Variants in NCAPD3 observed in about 807,000 individuals in gnomAD.
The protein encoded by NCAPD3 is condensin-2 complex subunit D3.
A neutral mutation model predicts 182.9 loss-of-function variants in NCAPD3; 105 were observed. The ratio of observed to expected loss-of-function variants is 0.57; its 90% CI spans 0.49 to 0.68. NCAPD3 has a LOEUF of 0.68. Among genes scored for constraint, NCAPD3 ranks in the 30% least tolerant of loss-of-function variants. The pLI is 0.00. For synonymous variants in NCAPD3, 815 were observed against 679.9 expected, an observed-to-expected ratio of 1.20 and a Z score of -3.09; for missense variants, 1,944 against 1,837.0, an observed-to-expected ratio of 1.06 and a Z score of -1.07.
chr11:134,164,602 G>A (rs1236757870), intron 27 of NCAPD3, among the ~76,000 whole-genome samples: 2 of 152,058 alleles, frequency 1.3e-5, no homozygotes, highest in African/African-American at 4.8e-5. Context: ...TGAGCTTAGG[G>A]GAGCTGCACA....
chr11:134,187,725 T>A (rs1944439929), intron 16 of NCAPD3, among the ~76,000 whole-genome samples: 1 of 152,202 alleles, frequency 6.6e-6, no homozygotes, highest in African/African-American at 2.4e-5. Context: ...GTGCCCTTCC[T>A]CTGTTCTCCT....
chr11:134,162,520 C>A (rs1943614383), intron 27 of NCAPD3, among the ~76,000 whole-genome samples: 1 of 152,218 alleles, frequency 6.6e-6, no homozygotes, highest in South Asian at 2.1e-4. Context: ...TAGTAGCCCA[C>A]ATATGCAAGA....
At position 134,152,576 on chromosome 11, in the gene NCAPD3, G is replaced by C. The variant is rs1591814838; in HGVS notation, c.*368C>G. Reference sequence around the variant, plus strand: ...CAGATGGGAAAATATGTACTATAAGGAATTCAAGTTAACAGAGGCTTGATT... The same window carrying C: ...CAGATGGGAAAATATGTACTATAAGCAATTCAAGTTAACAGAGGCTTGATT... On this transcript the variant is annotated 3_prime_UTR_variant, in exon 35 of 35. Transcript: ENST00000534548. 5.8e-6 allele frequency: 1 copy of C among 171,488 alleles called. No individual in the cohort carries two copies. Among genetic ancestry groups the C allele is most frequent in the Admixed American group, 6.3e-5 (1 of 15,910 alleles). The allele number at this position is 171,488 out of a possible 1,614,324, so 10.6% of individuals were successfully genotyped here.
intron 27 of NCAPD3, among the ~76,000 whole-genome samples, chr11:134,164,267 C>A (rs1271888056): frequency 6.6e-6 from 1 of 152,156 alleles, no homozygotes; most frequent in Non-Finnish European, 1.5e-5. Context: ...TCTGCAAGAG[C>A]ACCATAAACT....
chr11:134,201,973 G>A (rs1047451895), intron 13 of NCAPD3, among the ~76,000 whole-genome samples: 4 of 152,010 alleles, frequency 2.6e-5, no homozygotes, highest in African/African-American at 4.8e-5. Context: ...TGTGCATCTC[G>A]GCACCTATCT....
rs537155101 is a variant in NCAPD3, at chr11:134,202,032, T to G, written c.1615+784A>C. Reference sequence around the variant, plus strand: ...ACAATTGTATATATGAGAACACTTGTGTGCACAAGCACCTGTCTCTCCACT... The same window carrying G: ...ACAATTGTATATATGAGAACACTTGGGTGCACAAGCACCTGTCTCTCCACT... On this transcript the variant is annotated intron_variant, in intron 13 of 34. Transcript: ENST00000534548. Among the ~76,000 whole-genome samples the G allele has an allele frequency of 9.2e-5, 14 of 152,360 alleles. No homozygotes were observed. In the South Asian group the frequency reaches 2.9e-3, roughly 32 times the overall value.
intron 16 of NCAPD3, among the ~76,000 whole-genome samples, chr11:134,190,525 C>T (rs192200509): frequency 7.4e-4 from 112 of 152,280 alleles, no homozygotes; most frequent in African/African-American, 2.4e-3. Flanking sequence ...CTTGCTCTGT[C>T]GCCCAGGCTG....
intron 18 of NCAPD3, 54 bp downstream of exon 18, chr11:134,184,848 CA>C (rs1944369566): frequency 3.0e-6 from 4 of 1,341,910 alleles, no homozygotes; most frequent in Non-Finnish European, 4.2e-6. Context: ...CACACACACA[CA>C]CCTGAAATGA....
At chr11:134,208,772 C>A in intron 7 of NCAPD3, 92 bp downstream of exon 7, 1 of 789,936 alleles carries the variant, frequency 1.3e-6, no homozygotes, top group Non-Finnish European at 2.1e-6. Flanking sequence ...ATTGAAATGG[C>A]ATTATATCAA....
intron 25 of NCAPD3, 143 bp from the exon 26 acceptor site, chr11:134,168,745 C>T: frequency 7.2e-7 from 1 of 1,380,684 alleles, no homozygotes; most frequent in East Asian, 2.3e-5. Context: ...ACAGGCGCTG[C>T]CCTTAGGAAG....
At chr11:134,169,490 A>G (rs1449517737) in intron 24 of NCAPD3, among the ~76,000 whole-genome samples, 1 of 152,250 alleles carries the variant, frequency 6.6e-6, no homozygotes, top group Non-Finnish European at 1.5e-5. Context: ...ATTATGAACA[A>G]AAACCAATTT....
At chr11:134,193,432 A>T (rs1565544987) in intron 15 of NCAPD3, among the ~76,000 whole-genome samples, 1 of 152,212 alleles carries the variant, frequency 6.6e-6, no homozygotes, top group Non-Finnish European at 1.5e-5. Context: ...ATCAATTTTA[A>T]ATTTTATTTT....
intron 1 of NCAPD3, among the ~76,000 whole-genome samples, chr11:134,221,406 G>A (rs1216148239): frequency 6.9e-6 from 1 of 145,808 alleles, no homozygotes; most frequent in East Asian, 2.0e-4. Context: ...TAAAGTTTTT[G>A]GGTACATGTG....
At chr11:134,218,823 C>T (rs188091408) in intron 2 of NCAPD3, among the ~76,000 whole-genome samples, 5 of 152,292 alleles carry the variant, frequency 3.3e-5, no homozygotes, top group Non-Finnish European at 7.4e-5. Context: ...ACCTGGATCA[C>T]CAATACAGTC....
chr11:134,153,040 A>G lies in NCAPD3; in HGVS notation c.4401T>C (p.Pro1467=). ...LSLPDKPPPQ[P]QQWNVRSPAR... is the part of the protein sequence containing the mutation. The stretch of plus-strand genomic sequence containing the variant: ...CGGGAGACCGCACATTCCACTGCTG[A>G]GGCTGTGGGGGCCTAGGGAAAGGAC... The change falls in exon 35 of 35, where the codon CCT becomes CCC. Residue 1467 remains proline, a synonymous_variant. Coordinates refer to ENST00000534548, the MANE Select transcript of NCAPD3 (RefSeq NM_015261.3). The G allele has an allele frequency of 1.2e-6, 2 of 1,602,266 alleles. No individual in the cohort carries two copies. The highest frequency in any genetic ancestry group is 1.3e-5 in the African/African-American group (1 of 74,740).
At chr11:134,196,108 G>A (rs905148741) in intron 13 of NCAPD3, among the ~76,000 whole-genome samples, 7 of 152,080 alleles carry the variant, frequency 4.6e-5, no homozygotes, top group African/African-American at 1.4e-4. Context: ...CTAGACTGGC[G>A]AAGAAAATAA....
At chr11:134,173,630 A>G (rs1944075911) in intron 24 of NCAPD3, 1 of 152,302 alleles carries the variant, frequency 6.6e-6, no homozygotes. Flanking sequence ...TGATGCAGGG[A>G]CTGCCCTCCA....
chr11:134,185,618 G>C, intron 16 of NCAPD3, 92 bp from the exon 17 acceptor site: 1 of 1,053,726 alleles, frequency 9.5e-7, no homozygotes, highest in African/African-American at 1.6e-5. Context: ...ATCAACTTCT[G>C]CTGCTCCAGG....
At chr11:134,205,775 T>G (rs991437233) in intron 8 of NCAPD3, among the ~76,000 whole-genome samples, 1 of 152,204 alleles carries the variant, frequency 6.6e-6, no homozygotes, top group Non-Finnish European at 1.5e-5. Context: ...TATGAGAAAC[T>G]CTCATGGAAA....
Sources: allele counts gnomAD v4.1 joint callset (sites outside exome capture counted in the v4.1 genomes callset), GRCh38; gene constraint gnomAD v4.1.1; transcripts MANE v1.5; gene names NCBI Gene and HGNC (gene_info 2026-07-23, HGNC 2026-07-21).